Variants in HSP90AA1 observed in about 807,000 individuals in gnomAD.
HSP90AA1 encodes the protein heat shock protein HSP 90-alpha.
In HSP90AA1, 18 loss-of-function variants were observed where a neutral mutation model predicts 73.3. The ratio of observed to expected loss-of-function variants is 0.25; its 90% CI spans 0.17 to 0.36. The LOEUF is 0.36. Among genes scored for constraint, HSP90AA1 ranks in the 10% least tolerant of loss-of-function variants. HSP90AA1 has a pLI of 1.00. For missense variants in HSP90AA1, 704 were observed against 874.2 expected, an observed-to-expected ratio of 0.81 and a Z score of 2.45; for synonymous variants, 477 against 296.9, an observed-to-expected ratio of 1.61 and a Z score of -6.24.
chr14:102,083,447 A>G (rs1459919179), intron 8 of HSP90AA1, 99 bp downstream of exon 8: 12 of 1,420,522 alleles, frequency 8.4e-6, no homozygotes, highest in South Asian at 2.3e-5. Flanking sequence ...GCCTAGATCA[A>G]TACCAGTTGT....
intron 2 of HSP90AA1, among the ~76,000 whole-genome samples, chr14:102,094,096 G>GA (rs2049393897): frequency 6.6e-6 from 1 of 152,188 alleles, no homozygotes; most frequent in Admixed American, 6.5e-5. Flanking sequence ...ATAAAATCGG[G>GA]ATGCTTCAGT....
intron 7 of HSP90AA1, 32 bp from the exon 8 acceptor site, chr14:102,083,725 T>C (rs1233245883): frequency 1.3e-6 from 2 of 1,575,708 alleles, no homozygotes; most frequent in African/African-American, 2.8e-5. Flanking sequence ...ACAAAGACTT[T>C]CTGAATTAAA....
At chr14:102,093,514 C>T (rs1466471213) in intron 2 of HSP90AA1, among the ~76,000 whole-genome samples, 4 of 150,824 alleles carry the variant, frequency 2.7e-5, no homozygotes, top group Non-Finnish European at 5.9e-5. Context: ...TCTGTCATTT[C>T]TTGGAGACAC....
chr14:102,098,371 A>G (rs541412429), intron 2 of HSP90AA1, among the ~76,000 whole-genome samples: 2 of 150,630 alleles, frequency 1.3e-5, no homozygotes, highest in Admixed American at 1.3e-4. Flanking sequence ...CATATTGGCC[A>G]GGTTGGTCTC....
chr14:102,083,512 C>T (rs1050450957), intron 8 of HSP90AA1, 34 bp downstream of exon 8: 8 of 1,603,998 alleles, frequency 5.0e-6, no homozygotes, highest in South Asian at 2.2e-5. Flanking sequence ...ATTGTAAGAA[C>T]GACGTGTATG....
intron 4 of HSP90AA1, 82 bp from the exon 5 acceptor site, chr14:102,085,080 G>A: frequency 6.2e-7 from 1 of 1,606,450 alleles, no homozygotes; most frequent in Non-Finnish European, 8.5e-7. Context: ...TCAACCTAAG[G>A]CCCAAGTCTA....
At chr14:102,083,772 C>G (rs367975637) in intron 7 of HSP90AA1, 21 bp downstream of exon 7, 7 of 1,539,558 alleles carry the variant, frequency 4.5e-6, no homozygotes, top group African/African-American at 2.8e-5. Flanking sequence ...AATTGGAAAA[C>G]TAATGGTTAT....
intron 2 of HSP90AA1, among the ~76,000 whole-genome samples, chr14:102,100,820 A>T (rs1346329076): frequency 6.6e-6 from 1 of 152,158 alleles, no homozygotes; most frequent in African/African-American, 2.4e-5. Flanking sequence ...ACTCTATGTG[A>T]CTTTGGAGAG....
In HSP90AA1 at chr14:102,085,906, A is replaced by C; in HGVS notation, c.381T>G (p.Asp127Glu). The part of the protein sequence containing the change: ...AFMEALQAGA[D>E]ISMIGQFGVG... ...CACCGAACTGGCCAATCATAGAGAT[A>C]TCTGCACCAGCCTGCAAAGCTTCCA... Residue 127 changes from aspartate (D) to glutamate (E), a missense_variant, in exon 3 of 11, where the codon GAT becomes GAG. Asp to Glu is a conservative substitution (Grantham distance 45). Coordinates refer to ENST00000216281, the MANE Select transcript of HSP90AA1 (RefSeq NM_005348.4). The C allele has an allele frequency of 6.2e-7, 1 of 1,614,028 alleles. No individual in the cohort carries two copies.
intron 1 of HSP90AA1, among the ~76,000 whole-genome samples, chr14:102,122,796 T>C (rs1167333974): frequency 1.3e-4 from 20 of 151,848 alleles, no homozygotes; most frequent in Admixed American, 1.3e-3. Context: ...GCCTCCCGAG[T>C]AGCTGGGATT....
intron 3 of HSP90AA1, 77 bp downstream of exon 3, chr14:102,085,681 G>C: frequency 5.7e-6 from 9 of 1,592,750 alleles, no homozygotes; most frequent in South Asian, 3.3e-5. Flanking sequence ...AAGCTTCACC[G>C]CATCCCCAGG....
chr14:102,139,694 G>T, upstream of HSP90AA1: 1 of 679,332 alleles, frequency 1.5e-6, no homozygotes, highest in East Asian at 2.7e-5. Context: ...CCCGGGGGAG[G>T]AGCCTGCGGA....
intron 1 of HSP90AA1, among the ~76,000 whole-genome samples, chr14:102,108,137 C>T (rs2049591701): frequency 6.6e-6 from 1 of 151,500 alleles, no homozygotes; most frequent in Admixed American, 6.6e-5. Context: ...GTGGCATGTA[C>T]CTGTGGACCC....
rs2049155470 is a variant in HSP90AA1 at position 102,083,843 on chromosome 14, C to T, written c.1288G>A (p.Asp430Asn). 1.2e-6 allele frequency: 2 copies of T among 1,613,244 alleles called. No homozygotes were observed. Among genetic ancestry groups the T allele is most frequent in the African/African-American group, 1.3e-5 (1 of 74,778 alleles). The change falls in exon 7 of 11, where the codon GAT (aspartate) becomes AAT (asparagine). Residue 430 changes from aspartate to asparagine, a missense_variant. By Grantham distance (23) the Asp-to-Asn change is conservative. Coordinates refer to ENST00000216281, the MANE Select transcript of HSP90AA1 (RefSeq NM_005348.4). ...CLELFTELAE[D>N]KENYKKFYEQ... The stretch of plus-strand genomic sequence containing the variant: ...TAGAATTTCTTGTAGTTCTCTTTAT[C>T]TTCCGCCAGTTCAGTAAAGAGTTCT...
chr14:102,090,117 G>C (rs903150655), upstream of HSP90AA1, among the ~76,000 whole-genome samples: 2 of 152,182 alleles, frequency 1.3e-5, no homozygotes, highest in Non-Finnish European at 2.9e-5. Context: ...TTCCCACTGT[G>C]CTCCTATTTC....
At chr14:102,099,671 G>C (rs1364886343) in intron 2 of HSP90AA1, among the ~76,000 whole-genome samples, 2 of 152,194 alleles carry the variant, frequency 1.3e-5, no homozygotes, top group African/African-American at 4.8e-5. Context: ...CGTGTGTTTA[G>C]GGCTGGTGAA....
At chr14:102,110,037 G>C (rs1042734146) in intron 1 of HSP90AA1, among the ~76,000 whole-genome samples, 2 of 151,796 alleles carry the variant, frequency 1.3e-5, no homozygotes, top group African/African-American at 4.8e-5. Flanking sequence ...GGGTTCAAGC[G>C]ATTCTTCTGC....
At position 102,081,632 on chromosome 14, in the gene HSP90AA1, A is replaced by G. The variant is rs1356638592; in HGVS notation, c.*80T>C. 3.8e-6 allele frequency: 3 copies of G among 794,940 alleles called. No homozygotes were observed. The highest frequency in any genetic ancestry group is 4.9e-5 in the East Asian group (2 of 41,100). 49.2% of individuals were successfully genotyped at this position (794,940 alleles called of 1,614,324 possible). A position where few individuals can be genotyped will look rare whatever the true frequency, so the allele number is the denominator to read the frequency against. On this transcript the variant is annotated 3_prime_UTR_variant, in exon 11 of 11. Coordinates refer to ENST00000216281, the MANE Select transcript of HSP90AA1 (RefSeq NM_005348.4). ...TACAGACTTTTTAATATTAACAAAAATAAAGAAAAACATCCTTGAAAATAT... is the reference window on the plus strand; with the variant it reads ...TACAGACTTTTTAATATTAACAAAAGTAAAGAAAAACATCCTTGAAAATAT...
chr14:102,086,891 G>T (rs1162138375), intron 1 of HSP90AA1, 95 bp downstream of exon 1: 41 of 719,510 alleles, frequency 5.7e-5, no homozygotes, highest in African/African-American at 9.6e-5. Flanking sequence ...CTGCTTCAGG[G>T]ATCTGGTCCG....
Sources: allele counts gnomAD v4.1 joint callset (sites outside exome capture counted in the v4.1 genomes callset), GRCh38; gene constraint gnomAD v4.1.1; transcripts MANE v1.5; gene names NCBI Gene and HGNC (gene_info 2026-07-23, HGNC 2026-07-21).